The following STK32B variants were observed in gnomAD, a reference collection of about 807,000 sequenced individuals.
The protein encoded by STK32B is serine/threonine-protein kinase 32B.
In STK32B, 43 loss-of-function variants were observed where a neutral mutation model predicts 52.6. That is an observed-to-expected ratio of 0.82 (90% CI 0.64 to 1.05). The LOEUF (loss-of-function observed/expected upper bound fraction) is 1.05. Among genes scored for constraint, STK32B ranks in the 50% least tolerant of loss-of-function variants. STK32B has a pLI of 0.00. For synonymous variants in STK32B, 238 were observed against 204.3 expected, an observed-to-expected ratio of 1.17 and a Z score of -1.41; for missense variants, 621 against 534.6, an observed-to-expected ratio of 1.16 and a Z score of -1.59.
chr4:5,299,875 G>C (rs1729442527), intron 3 of STK32B, among the ~76,000 whole-genome samples: 1 of 152,106 alleles, frequency 6.6e-6, no homozygotes, highest in South Asian at 2.1e-4. Context: ...AAGAAGAGCT[G>C]GTACCAATCC....
In STK32B at chr4:5,470,260, T is replaced by A. The variant is rs1217347322; in HGVS notation, c.1106+2190T>A. Among the ~76,000 whole-genome samples the A allele has an allele frequency of 6.6e-6, 1 of 152,154 alleles. No homozygotes were observed. Among genetic ancestry groups the A allele is most frequent in the African/African-American group, 2.4e-5 (1 of 41,436 alleles). ...TGTAAATGGGAATTGATGAGGGAAA[T>A]GCAGTTGGCCTGTGGACACCCCTGA... On this transcript the variant is annotated intron_variant, in intron 11 of 11. Coordinates refer to ENST00000282908, the MANE Select transcript of STK32B (RefSeq NM_018401.3). The surrounding 1 kb of genome is among the most constrained non-coding windows in gnomAD (Gnocchi z 4.6).
intron 3 of STK32B, among the ~76,000 whole-genome samples, chr4:5,248,924 G>A (rs1196529783): frequency 1.3e-5 from 2 of 148,852 alleles, no homozygotes; most frequent in Non-Finnish European, 2.9e-5. Context: ...GGGGACTGTT[G>A]TGGGGTGGGG....
chr4:5,020,657 G>A, the STK32B span, among the ~76,000 whole-genome samples: 2 of 152,300 alleles, frequency 1.3e-5, no homozygotes, highest in South Asian at 4.1e-4. Flanking sequence ...GGATGGGTGA[G>A]GAGCAGGACT....
rs1736924296 is a variant in STK32B at position 5,396,414 on chromosome 4, A to T, written c.435-1793A>T. 1.3e-5 allele frequency among the ~76,000 whole-genome samples: 2 copies of T among 152,104 alleles called. No homozygotes were observed. Among genetic ancestry groups the T allele is most frequent in the African/African-American group, 4.8e-5 (2 of 41,420 alleles). ...CCTAAATCCAGGATGATTCATCTTGAGATCCTTAAGTAATTACCTCTGCAA... is the reference window on the plus strand; with the variant it reads ...CCTAAATCCAGGATGATTCATCTTGTGATCCTTAAGTAATTACCTCTGCAA... On this transcript the variant is annotated intron_variant, in intron 4 of 11. Coordinates refer to ENST00000282908, the MANE Select transcript of STK32B (RefSeq NM_018401.3). The surrounding 1 kb of genome is among the most constrained non-coding windows in gnomAD (Gnocchi z 4.7).
chr4:5,247,403 T>C lies in STK32B; in HGVS notation c.260+78953T>C, dbSNP rs1278195932. The stretch of plus-strand genomic sequence containing the variant: ...CAGGATATAATCTCCTGGTGTACCG[T>C]TTGTTAAGCCTGTTGGAAGAGCGCA... On this transcript the variant is annotated intron_variant, in intron 3 of 11. Coordinates refer to ENST00000282908, the MANE Select transcript of STK32B (RefSeq NM_018401.3). Among the ~76,000 whole-genome samples, 5 of 152,196 alleles carry C rather than the reference T, an allele frequency of 3.3e-5. No individual in the cohort carries two copies. The East Asian group carries it at 9.6e-4, about 29-fold the overall frequency.
intron 1 of STK32B, among the ~76,000 whole-genome samples, chr4:5,139,201 A>G (rs13129584): frequency 6.6e-6 from 1 of 151,952 alleles, no homozygotes. Flanking sequence ...TAAGGGGAGA[A>G]AGGAGTCAAG....
intron 3 of STK32B, among the ~76,000 whole-genome samples, chr4:5,250,280 G>A (rs56768144): frequency 1.3e-5 from 2 of 150,050 alleles, no homozygotes; most frequent in African/African-American, 4.9e-5. Context: ...GGTAGAATTA[G>A]TGGAATGAAT....
At chr4:5,099,074 G>C (rs2108790964) in intron 1 of STK32B, among the ~76,000 whole-genome samples, 1 of 152,268 alleles carries the variant, frequency 6.6e-6, no homozygotes, top group East Asian at 1.9e-4. Context: ...GGAGGCTCTA[G>C]GGGAGAACCT....
At chr4:5,157,312 A>T (rs1717936515) in intron 2 of STK32B, among the ~76,000 whole-genome samples, 2 of 141,950 alleles carry the variant, frequency 1.4e-5, no homozygotes, top group African/African-American at 4.9e-5. Flanking sequence ...AAAAAAAAAA[A>T]AAAAAAAAGC....
chr4:5,159,541 G>GAA lies in STK32B; in HGVS notation c.109-8758_109-8757insAA, dbSNP rs1560185610. Among the ~76,000 whole-genome samples the GAA allele has an allele frequency of 1.2e-4, 13 of 109,522 alleles. No individual in the cohort carries two copies. In the East Asian group the frequency reaches 2.0e-3, roughly 17 times the overall value. The allele number at this position is 109,522 out of a possible 152,430, so 71.9% of individuals were successfully genotyped here. ...GAATATATGATATATATGTATATAT[G>GAA]TATATATATGAATATATATGAATGA... On this transcript the variant is annotated intron_variant, in intron 2 of 11. Transcript: ENST00000282908.
chr4:5,028,606 G>T, the STK32B span, among the ~76,000 whole-genome samples: 1 of 152,174 alleles, frequency 6.6e-6, no homozygotes, highest in East Asian at 1.9e-4. Context: ...TTGCTTTTGG[G>T]CAGAGATTAT....
intron 1 of STK32B, among the ~76,000 whole-genome samples, chr4:5,100,360 CA>C (rs1056316749): frequency 3.6e-5 from 5 of 140,438 alleles, no homozygotes; most frequent in African/African-American, 1.3e-4. Flanking sequence ...TTCCTCCCCC[CA>C]GCTGCCTTTC....
the STK32B span, among the ~76,000 whole-genome samples, chr4:5,038,573 G>A: frequency 6.6e-6 from 1 of 152,188 alleles, no homozygotes; most frequent in African/African-American, 2.4e-5. Context: ...ATAGGCAACT[G>A]TAACACAATG....
At chr4:5,343,680 C>G (rs1733253582) in intron 4 of STK32B, among the ~76,000 whole-genome samples, 1 of 152,150 alleles carries the variant, frequency 6.6e-6, no homozygotes, top group Non-Finnish European at 1.5e-5. Context: ...GACTTCATGT[C>G]TAAAACACCA....
intron 3 of STK32B, among the ~76,000 whole-genome samples, chr4:5,198,338 G>T (rs140858876): frequency 6.6e-6 from 1 of 152,298 alleles, no homozygotes; most frequent in Non-Finnish European, 1.5e-5. Flanking sequence ...CTCTTTGACC[G>T]CCTTTTCACC....
chr4:5,094,580 G>A (rs773620503), intron 1 of STK32B, among the ~76,000 whole-genome samples: 2 of 152,120 alleles, frequency 1.3e-5, no homozygotes, highest in Non-Finnish European at 2.9e-5. Flanking sequence ...ACTTGAGCCC[G>A]GGAGTTCAAG....
chr4:5,401,274 T>C (rs571524027), intron 5 of STK32B, among the ~76,000 whole-genome samples: 1 of 152,288 alleles, frequency 6.6e-6, no homozygotes, highest in East Asian at 1.9e-4. Flanking sequence ...ACTTGCACCT[T>C]TTGTAAACTG....
chr4:5,220,895 C>T (rs1723487846), intron 3 of STK32B, among the ~76,000 whole-genome samples: 1 of 152,176 alleles, frequency 6.6e-6, no homozygotes, highest in African/African-American at 2.4e-5. Context: ...GTTGACTGCT[C>T]AGGAATTTCT....
rs1364736630 is a variant in STK32B at position 5,467,033 on chromosome 4, G to C, written c.1041+199G>C. Among the ~76,000 whole-genome samples, 2 of 152,094 alleles carry C rather than the reference G, an allele frequency of 1.3e-5. No individual in the cohort carries two copies. The highest frequency in any genetic ancestry group is 4.8e-5 in the African/African-American group (2 of 41,418). On this transcript the variant is annotated intron_variant, in intron 10 of 11. Coordinates refer to ENST00000282908, the MANE Select transcript of STK32B (RefSeq NM_018401.3). This position sits in a 1 kb window ranked among gnomAD's most constrained non-coding sequence, Gnocchi z 5.8. ...GGCATTCACACTCCTGGCATTCCTT[G>C]AGCGCTATTCCTACAGCAGGAAGCT...
Sources: allele counts gnomAD v4.1 joint callset (sites outside exome capture counted in the v4.1 genomes callset), GRCh38; gene constraint gnomAD v4.1.1; non-coding constraint Gnocchi (gnomAD v3.1); transcripts MANE v1.5; gene names NCBI Gene and HGNC (gene_info 2026-07-23, HGNC 2026-07-21).